The following CLDN4 variants were observed in gnomAD, a reference collection of about 807,000 sequenced individuals.
CLDN4 encodes the protein claudin 4, also known as claudin-4.
A neutral mutation model predicts 13.7 loss-of-function variants in CLDN4; 12 were observed. That is an observed-to-expected ratio of 0.88 (90% CI 0.56 to 1.42). CLDN4 has a LOEUF of 1.42. CLDN4 is among the 40% of genes most tolerant of loss of function. The pLI is 0.00. For missense variants in CLDN4, 252 were observed against 297.4 expected (o/e 0.85, Z 1.12); for synonymous variants, 152 against 140.6 (o/e 1.08, Z -0.57).
In CLDN4 at chr7:73,832,129, A is replaced by G. The variant is rs1788047138; in HGVS notation, c.*298A>G. 5 of 433,632 alleles carry G rather than the reference A, an allele frequency of 1.2e-5. No homozygotes were observed. The South Asian group carries it at 3.1e-4, about 27-fold the overall frequency. The allele number at this position is 433,632 out of a possible 1,614,324, so 26.9% of individuals were successfully genotyped here. A position where few individuals can be genotyped will look rare whatever the true frequency, so the allele number is the denominator to read the frequency against. On this transcript the variant is annotated 3_prime_UTR_variant, in exon 1 of 1. Coordinates refer to ENST00000340958, the MANE Select transcript of CLDN4 (RefSeq NM_001305.5). ...GGGGAGCTGGCTTCTGCTGGCCAGG[A>G]TAGCTTAACCCTGACTTTGGGATCT... is the stretch of plus-strand genomic sequence containing the variant.
At position 73,832,506 on chromosome 7, in the gene CLDN4, C is replaced by T. The variant is rs1343308719; in HGVS notation, c.*675C>T. 1.2e-5 allele frequency: 2 copies of T among 167,090 alleles called. No homozygotes were observed. Among genetic ancestry groups the T allele is most frequent in the Non-Finnish European group, 2.9e-5 (2 of 68,194 alleles). The allele number at this position is 167,090 out of a possible 1,614,324, so 10.4% of individuals were successfully genotyped here. On this transcript the variant is annotated 3_prime_UTR_variant, in exon 1 of 1. Transcript: ENST00000340958. ...GACTGATCCCCTCTGAGTCCTCTGC[C>T]CCTTCCAAGGACACTAATGAGCCTG...
Position 73,831,142 on chromosome 7 carries a change from G to A in CLDN4, c.-60G>A, listed in dbSNP as rs202228697. 1.6e-5 allele frequency: 24 copies of A among 1,504,016 alleles called. No individual in the cohort carries two copies. Among genetic ancestry groups the A allele is most frequent in the East Asian group, 9.1e-5 (4 of 43,968 alleles). 93.2% of individuals were successfully genotyped at this position (1,504,016 alleles called of 1,614,324 possible). ...CCGTCCCCAGCGCTTGGAATCCTAC[G>A]GCCCCCACAGCCGGATCCCCTCAGC... On this transcript the variant is annotated 5_prime_UTR_variant, in exon 1 of 1. Transcript: ENST00000340958.
In CLDN4 at chr7:73,831,378, C is replaced by G; in HGVS notation, c.177C>G (p.Thr59=). 1 of 1,614,060 alleles carries G rather than the reference C, an allele frequency of 6.2e-7. No individual in the cohort carries two copies. Among genetic ancestry groups the G allele is most frequent in the South Asian group, 1.1e-5 (1 of 91,068 alleles). ...GGATGAACTGCGTGGTGCAGAGCAC[C>G]GGCCAGATGCAGTGCAAGGTGTACG... ...GLWMNCVVQS[T]GQMQCKVYDS... The change falls in exon 1 of 1, where the codon ACC becomes ACG. Residue 59 remains threonine (T), a synonymous_variant. Transcript: ENST00000340958.
Position 73,831,170 on chromosome 7 carries a change from T to G in CLDN4, c.-32T>G, listed in dbSNP as rs1191161743. The G allele has an allele frequency of 6.6e-7, 1 of 1,524,890 alleles. No homozygotes were observed. The highest frequency in any genetic ancestry group is 1.4e-5 in the African/African-American group (1 of 72,694). The allele number at this position is 1,524,890 out of a possible 1,614,324, so 94.5% of individuals were successfully genotyped here. A position where few individuals can be genotyped will look rare whatever the true frequency, so the allele number is the denominator to read the frequency against. On this transcript the variant is annotated 5_prime_UTR_variant, in exon 1 of 1. Coordinates refer to ENST00000340958, the MANE Select transcript of CLDN4 (RefSeq NM_001305.5). ...CCCCACAGCCGGATCCCCTCAGCCTTCCAGGTCCTCAACTCCCGTGGACGC... is the reference window on the plus strand; with the variant it reads ...CCCCACAGCCGGATCCCCTCAGCCTGCCAGGTCCTCAACTCCCGTGGACGC...
Position 73,831,950 on chromosome 7 carries a change from G to A in CLDN4, c.*119G>A. The A allele has an allele frequency of 7.3e-7, 1 of 1,366,554 alleles. No homozygotes were observed. Among genetic ancestry groups the A allele is most frequent in the Non-Finnish European group, 9.9e-7 (1 of 1,005,240 alleles). 84.7% of individuals were successfully genotyped at this position (1,366,554 alleles called of 1,614,324 possible). A position where few individuals can be genotyped will look rare whatever the true frequency, so the allele number is the denominator to read the frequency against. On this transcript the variant is annotated 3_prime_UTR_variant, in exon 1 of 1. Transcript: ENST00000340958. ...CACTGGCTGCTGGGGACTGGGGACTGGGCAGAGACTGAGCCAGGCAGGAAG... is the reference window on the plus strand; with the variant it reads ...CACTGGCTGCTGGGGACTGGGGACTAGGCAGAGACTGAGCCAGGCAGGAAG...
Position 73,831,600 on chromosome 7 carries a change from A to G in CLDN4, c.399A>G (p.Ile133Met), listed in dbSNP as rs909638840. The change falls in exon 1 of 1, where the codon ATA (isoleucine) becomes ATG (methionine). Residue 133 changes from isoleucine to methionine, a missense_variant. Physicochemically the swap from Ile to Met is conservative, Grantham distance 10. Coordinates refer to ENST00000340958, the MANE Select transcript of CLDN4 (RefSeq NM_001305.5). ...TCCTGTTGGCCGGCCTTATGGTGAT[A>G]GTGCCGGTGTCCTGGACGGCCCACA... is the stretch of plus-strand genomic sequence containing the variant. ...VVFLLAGLMV[I>M]VPVSWTAHNI... is the part of the protein sequence containing the mutation. 2 of 1,614,012 alleles carry G rather than the reference A, an allele frequency of 1.2e-6. No homozygotes were observed. Among genetic ancestry groups the G allele is most frequent in the Non-Finnish European group, 1.7e-6 (2 of 1,180,000 alleles).
At position 73,831,142 on chromosome 7, in the gene CLDN4, G is replaced by C. The variant is rs202228697; in HGVS notation, c.-60G>C. Reference sequence around the variant, plus strand: ...CCGTCCCCAGCGCTTGGAATCCTACGGCCCCCACAGCCGGATCCCCTCAGC... The same window carrying C: ...CCGTCCCCAGCGCTTGGAATCCTACCGCCCCCACAGCCGGATCCCCTCAGC... On this transcript the variant is annotated 5_prime_UTR_variant, in exon 1 of 1. Transcript: ENST00000340958. 2.9e-4 allele frequency: 443 copies of C among 1,504,134 alleles called. 2 individuals are homozygous for C. The highest frequency in any genetic ancestry group is 1.8e-3 in the Middle Eastern group (10 of 5,586). 93.2% of individuals were successfully genotyped at this position (1,504,134 alleles called of 1,614,324 possible). A position where few individuals can be genotyped will look rare whatever the true frequency, so the allele number is the denominator to read the frequency against.
Position 73,831,744 on chromosome 7 carries a change from T to G in CLDN4, c.543T>G (p.Leu181=), listed in dbSNP as rs1554634184. The change falls in exon 1 of 1, where the codon CTT becomes CTG. Residue 181 remains leucine, a synonymous_variant. Transcript: ENST00000340958. ...SGLLLLGGGL[L]CCNCPPRTDK... is the part of the protein sequence containing the mutation. ...TGCTGCTCCTTGGCGGGGGGCTGCT[T>G]TGCTGCAACTGTCCACCCCGCACAG... 1.2e-6 allele frequency: 2 copies of G among 1,612,550 alleles called. No homozygotes were observed. Among genetic ancestry groups the G allele is most frequent in the Non-Finnish European group, 1.7e-6 (2 of 1,179,238 alleles).
In CLDN4 at chr7:73,831,732, C is replaced by CG. The variant is rs1563645335; in HGVS notation, c.537dup (p.Leu180AlafsTer75). ...CCGCCTCCGGCCTGCTGCTCCTTGG[C>CG]GGGGGGCTGCTTTGCTGCAACTGTC... On this transcript the variant is annotated frameshift_variant, in exon 1 of 1. Transcript: ENST00000340958. LOFTEE classifies it high-confidence loss of function. 5 of 1,612,976 alleles carry CG rather than the reference C, an allele frequency of 3.1e-6. No homozygotes were observed. The highest frequency in any genetic ancestry group is 3.4e-6 in the Non-Finnish European group (4 of 1,179,424).
Position 73,831,126 on chromosome 7 carries a change from G to A in CLDN4, c.-76G>A. On this transcript the variant is annotated 5_prime_UTR_variant, in exon 1 of 1. Transcript: ENST00000340958. ...TCTGCGAACGTTAAGTCCGTCCCCA[G>A]CGCTTGGAATCCTACGGCCCCCACA... 1 of 1,488,786 alleles carries A rather than the reference G, an allele frequency of 6.7e-7. No homozygotes were observed. The highest frequency in any genetic ancestry group is 8.9e-7 in the Non-Finnish European group (1 of 1,119,200). 92.2% of individuals were successfully genotyped at this position (1,488,786 alleles called of 1,614,324 possible).
chr7:73,832,093 G>A lies in CLDN4; in HGVS notation c.*262G>A, dbSNP rs1483976542. On this transcript the variant is annotated 3_prime_UTR_variant, in exon 1 of 1. Coordinates refer to ENST00000340958, the MANE Select transcript of CLDN4 (RefSeq NM_001305.5). ...GGGAGGGACGGAAGTGACAGGGTGT[G>A]GTGGTGGAGTGGGGAGCTGGCTTCT... The A allele has an allele frequency of 2.1e-6, 1 of 467,728 alleles. No individual in the cohort carries two copies. Among genetic ancestry groups the A allele is most frequent in the South Asian group, 5.7e-5 (1 of 17,486 alleles). 29.0% of individuals were successfully genotyped at this position (467,728 alleles called of 1,614,324 possible).
In CLDN4 at chr7:73,831,100, C is replaced by T; in HGVS notation, c.-102C>T. ...TCCTGACTCACGGTGCAAAGGTGCA[C>T]TCTGCGAACGTTAAGTCCGTCCCCA... On this transcript the variant is annotated 5_prime_UTR_variant, in exon 1 of 1. Coordinates refer to ENST00000340958, the MANE Select transcript of CLDN4 (RefSeq NM_001305.5). 7.1e-7 allele frequency: 1 copy of T among 1,404,566 alleles called. No individual in the cohort carries two copies. The highest frequency in any genetic ancestry group is 9.6e-7 in the Non-Finnish European group (1 of 1,045,338). 87.0% of individuals were successfully genotyped at this position (1,404,566 alleles called of 1,614,324 possible). A position where few individuals can be genotyped will look rare whatever the true frequency, so the allele number is the denominator to read the frequency against.
Position 73,831,733 on chromosome 7 carries a change from G to A in CLDN4, c.532G>A (p.Gly178Arg), listed in dbSNP as rs200226062. Reference sequence around the variant, plus strand: ...CGCCTCCGGCCTGCTGCTCCTTGGCGGGGGGCTGCTTTGCTGCAACTGTCC... The same window carrying A: ...CGCCTCCGGCCTGCTGCTCCTTGGCAGGGGGCTGCTTTGCTGCAACTGTCC... The part of the protein sequence containing the change: ...WAASGLLLLG[G>R]GLLCCNCPPR... The change falls in exon 1 of 1, where the codon GGG (glycine) becomes AGG (arginine). Residue 178 changes from glycine to arginine, a missense_variant. By Grantham distance (125) the Gly-to-Arg change is moderately radical. Transcript: ENST00000340958. The A allele has an allele frequency of 3.3e-4, 531 of 1,613,044 alleles. 1 individual carries two copies. Among genetic ancestry groups the A allele is most frequent in the South Asian group, 8.4e-4 (76 of 90,950 alleles).
Position 73,831,986 on chromosome 7 carries a change from TCAG to T in CLDN4, c.*157_*159del. On this transcript the variant is annotated 3_prime_UTR_variant, in exon 1 of 1. Coordinates refer to ENST00000340958, the MANE Select transcript of CLDN4 (RefSeq NM_001305.5). ...GAGCCAGGCAGGAAGGCAGCAGCCTTCAGCCTCTCTGGCCCACTCGGACAACTT... is the reference window on the plus strand; with the variant it reads ...GAGCCAGGCAGGAAGGCAGCAGCCTTCCTCTCTGGCCCACTCGGACAACTT... The T allele has an allele frequency of 9.6e-7, 1 of 1,039,518 alleles. No homozygotes were observed. Among genetic ancestry groups the T allele is most frequent in the Non-Finnish European group, 1.4e-6 (1 of 718,626 alleles). 64.4% of individuals were successfully genotyped at this position (1,039,518 alleles called of 1,614,324 possible).
chr7:73,832,251 G>C lies in CLDN4; in HGVS notation c.*420G>C, dbSNP rs1788050208. The C allele has an allele frequency of 1.6e-5, 3 of 191,628 alleles. No homozygotes were observed. The South Asian group carries it at 5.1e-4, about 32-fold the overall frequency. The allele number at this position is 191,628 out of a possible 1,614,324, so 11.9% of individuals were successfully genotyped here. A position where few individuals can be genotyped will look rare whatever the true frequency, so the allele number is the denominator to read the frequency against. ...CGGGTAGGCCTTGATATCACCTCTG[G>C]GACTGTGCCTTGCTCACCGAAACCC... On this transcript the variant is annotated 3_prime_UTR_variant, in exon 1 of 1. Coordinates refer to ENST00000340958, the MANE Select transcript of CLDN4 (RefSeq NM_001305.5).
In CLDN4 at chr7:73,831,173, A is replaced by G; in HGVS notation, c.-29A>G. 1 of 1,525,558 alleles carries G rather than the reference A, an allele frequency of 6.6e-7. No homozygotes were observed. Among genetic ancestry groups the G allele is most frequent in the Non-Finnish European group, 8.8e-7 (1 of 1,138,204 alleles). The allele number at this position is 1,525,558 out of a possible 1,614,324, so 94.5% of individuals were successfully genotyped here. A position where few individuals can be genotyped will look rare whatever the true frequency, so the allele number is the denominator to read the frequency against. ...CACAGCCGGATCCCCTCAGCCTTCCAGGTCCTCAACTCCCGTGGACGCTGA... is the reference window on the plus strand; with the variant it reads ...CACAGCCGGATCCCCTCAGCCTTCCGGGTCCTCAACTCCCGTGGACGCTGA... On this transcript the variant is annotated 5_prime_UTR_variant, in exon 1 of 1. Coordinates refer to ENST00000340958, the MANE Select transcript of CLDN4 (RefSeq NM_001305.5).
Position 73,831,604 on chromosome 7 carries a change from C to A in CLDN4, c.403C>A (p.Pro135Thr), listed in dbSNP as rs1466501277. ...GTTGGCCGGCCTTATGGTGATAGTG[C>A]CGGTGTCCTGGACGGCCCACAACAT... ...FLLAGLMVIVPVSWTAHNIIQ... is the reference protein window; with the variant it reads ...FLLAGLMVIVTVSWTAHNIIQ... Residue 135 changes from proline to threonine, a missense_variant, in exon 1 of 1, where the codon CCG becomes ACG. Coordinates refer to ENST00000340958, the MANE Select transcript of CLDN4 (RefSeq NM_001305.5). 1 of 1,614,022 alleles carries A rather than the reference C, an allele frequency of 6.2e-7. No homozygotes were observed. The highest frequency in any genetic ancestry group is 8.5e-7 in the Non-Finnish European group (1 of 1,180,002).
Position 73,831,567 on chromosome 7 carries a change from C to A in CLDN4, c.366C>A (p.Gly122=). 1 of 1,614,048 alleles carries A rather than the reference C, an allele frequency of 6.2e-7. No homozygotes were observed. Among genetic ancestry groups the A allele is most frequent in the Non-Finnish European group, 8.5e-7 (1 of 1,179,950 alleles). ...SAKAKTMIVA[G]VVFLLAGLMV... is the part of the protein sequence containing the mutation. ...AGGCCAAGACCATGATCGTGGCGGG[C>A]GTGGTGTTCCTGTTGGCCGGCCTTA... Residue 122 remains glycine, a synonymous_variant, in exon 1 of 1, where the codon GGC becomes GGA. Transcript: ENST00000340958.
In CLDN4 at chr7:73,831,485, T is replaced by C. The variant is rs1788030483; in HGVS notation, c.284T>C (p.Val95Ala). Reference sequence around the variant, plus strand: ...AGCATCATCGTGGCTGCTCTGGGCGTGCTGCTGTCCGTGGTGGGGGGCAAG... The same window carrying C: ...AGCATCATCGTGGCTGCTCTGGGCGCGCTGCTGTCCGTGGTGGGGGGCAAG... ...IISIIVAALGVLLSVVGGKCT... is the reference protein window; with the variant it reads ...IISIIVAALGALLSVVGGKCT... Residue 95 changes from valine to alanine, a missense_variant, in exon 1 of 1, where the codon GTG becomes GCG. Transcript: ENST00000340958. The C allele has an allele frequency of 3.7e-6, 6 of 1,614,054 alleles. No homozygotes were observed. The highest frequency in any genetic ancestry group is 5.1e-6 in the Non-Finnish European group (6 of 1,180,036).
Sources: gnomAD v4.1 joint callset for allele counts on GRCh38, gnomAD v4.1.1 for gene constraint, MANE v1.5 for transcripts, NCBI Gene and HGNC (gene_info 2026-07-23, HGNC 2026-07-21) for gene names.